Variants in PREP observed in about 807,000 individuals in gnomAD.
The protein encoded by PREP is dJ355L5.1 (prolyl endopeptidase).
In PREP, 29 loss-of-function variants were observed where a neutral mutation model predicts 87.6. The observed-to-expected ratio is 0.33, with a 90% CI of 0.25 to 0.45. The LOEUF is 0.45. Ranked by LOEUF, PREP falls within the 20% of genes least tolerant of loss-of-function variation. PREP has a pLI of 1.00. For missense variants in PREP, 695 were observed against 886.5 expected (o/e 0.78, Z 2.74); for synonymous variants, 337 against 328.6 (o/e 1.03, Z -0.28).
intron 5 of PREP, among the ~76,000 whole-genome samples, chr6:105,370,983 C>G (rs1353346204): frequency 6.6e-6 from 1 of 152,146 alleles, no homozygotes; most frequent in African/African-American, 2.4e-5. Context: ...TCAGAATGTA[C>G]AACACCAAAA....
At chr6:105,289,554 T>C (rs368147595) in intron 10 of PREP, among the ~76,000 whole-genome samples, 5 of 152,192 alleles carry the variant, frequency 3.3e-5, no homozygotes, top group African/African-American at 1.2e-4. Context: ...TAAAGCCTTC[T>C]TGAATCTGGG....
Position 105,397,185 on chromosome 6 carries a change from C to CCAA in PREP, c.120+667_120+668insTTG, listed in dbSNP as rs775026045. On this transcript the variant is annotated intron_variant, in intron 2 of 14. Transcript: ENST00000652536. ...GGGTGACAGAGTAAGACTCTGTCTA[C>CCAA]AAAAAAAAAAAAAAAAAGTATACAT... 2.6e-4 allele frequency among the ~76,000 whole-genome samples: 23 copies of CCAA among 86,844 alleles called. 3 individuals are homozygous for CCAA. Among genetic ancestry groups the CCAA allele is most frequent in the Non-Finnish European group, 3.6e-4 (14 of 39,390 alleles). The allele number at this position is 86,844 out of a possible 152,430, so 57.0% of individuals were successfully genotyped here.
intron 7 of PREP, among the ~76,000 whole-genome samples, chr6:105,336,039 C>T (rs1172804755): frequency 6.6e-6 from 1 of 152,244 alleles, no homozygotes; most frequent in Non-Finnish European, 1.5e-5. Context: ...AGGTGGATCA[C>T]TTGAGGCCAG....
In PREP at chr6:105,333,348, T is replaced by C; in HGVS notation, c.981A>G (p.Lys327=). ...DFRDPEESKW[K]VLVPEHEKDV... ...CTTTCTCATGCTCAGGAACAAGTAC[T>C]TTCCACTTAGACTCTTCAGGATCCC... is the stretch of plus-strand genomic sequence containing the variant. The change falls in exon 8 of 15, where the codon AAA becomes AAG. Residue 327 remains lysine (K), a synonymous_variant. Transcript: ENST00000652536. The C allele has an allele frequency of 6.2e-7, 1 of 1,614,204 alleles. No homozygotes were observed. Among genetic ancestry groups the C allele is most frequent in the Non-Finnish European group, 8.5e-7 (1 of 1,180,020 alleles).
intron 5 of PREP, among the ~76,000 whole-genome samples, chr6:105,372,437 C>T (rs1458947063): frequency 6.6e-6 from 1 of 152,194 alleles, no homozygotes; most frequent in Non-Finnish European, 1.5e-5. Flanking sequence ...GAAAATGCTA[C>T]ATACCACGTT....
intron 6 of PREP, among the ~76,000 whole-genome samples, chr6:105,365,994 C>T (rs1473314208): frequency 6.6e-6 from 1 of 152,048 alleles, no homozygotes; most frequent in East Asian, 1.9e-4. Flanking sequence ...GTGGCTCACG[C>T]CTATAATCCC....
intron 6 of PREP, 80 bp downstream of exon 6, chr6:105,368,823 G>A: frequency 7.2e-6 from 11 of 1,524,138 alleles, no homozygotes; most frequent in Non-Finnish European, 9.9e-6. Flanking sequence ...ATCCATAAAG[G>A]TCACCACATA....
intron 2 of PREP, among the ~76,000 whole-genome samples, chr6:105,379,743 G>T (rs1772787585): frequency 6.6e-6 from 1 of 152,182 alleles, no homozygotes; most frequent in Admixed American, 6.5e-5. Context: ...CACAAATCTT[G>T]TGTGTGTGTT....
chr6:105,299,870 C>CA (rs1255350802), intron 10 of PREP, among the ~76,000 whole-genome samples: 1 of 151,790 alleles, frequency 6.6e-6, no homozygotes, highest in Non-Finnish European at 1.5e-5. Flanking sequence ...ATCATTCTGC[C>CA]AGAGATGCTA....
Position 105,329,005 on chromosome 6 carries a change from G to T in PREP, c.1037C>A (p.Ser346Tyr), listed in dbSNP as rs772545264. The T allele has an allele frequency of 4.3e-6, 7 of 1,613,726 alleles. No individual in the cohort carries two copies. The highest frequency in any genetic ancestry group is 1.3e-5 in the African/African-American group (1 of 74,854). Reference sequence around the variant, plus strand: ...GAGGTAGCATAAGACCAAGAAGTTGGACCTGACACAAGCTATCCATTCTGA... The same window carrying T: ...GAGGTAGCATAAGACCAAGAAGTTGTACCTGACACAAGCTATCCATTCTGA... Reference protein sequence around the residue: ...DVLEWIACVRSNFLVLCYLHD... With the variant: ...DVLEWIACVRYNFLVLCYLHD... The change falls in exon 9 of 15, where the codon TCC becomes TAC. Residue 346 changes from serine to tyrosine, a missense_variant. By Grantham distance (144) the Ser-to-Tyr change is moderately radical. Around this residue, in one of 5 missense-constraint regions of PREP, gnomAD observed 517 missense variants for 620.3 expected, o/e 0.83. Coordinates refer to ENST00000652536, the MANE Select transcript of PREP (RefSeq NM_002726.5).
intron 10 of PREP, among the ~76,000 whole-genome samples, chr6:105,289,596 C>T (rs1770252999): frequency 6.6e-6 from 1 of 152,052 alleles, no homozygotes; most frequent in Non-Finnish European, 1.5e-5. Context: ...TAAACATCTC[C>T]TTATCCTTTT....
rs562473070 is a variant in PREP, at chr6:105,311,425, G to A, written c.1317+12240C>T. On this transcript the variant is annotated intron_variant, in intron 10 of 14. Coordinates refer to ENST00000652536, the MANE Select transcript of PREP (RefSeq NM_002726.5). ...TTGTTCTCAGGGCCTTTGCTTTAAC[G>A]TTCTGGGCCGCCTGTCCCCCATTTT... is the stretch of plus-strand genomic sequence containing the variant. 3.6e-4 allele frequency among the ~76,000 whole-genome samples: 54 copies of A among 152,072 alleles called. 1 individual carries two copies. The South Asian group carries it at 6.4e-3, about 18-fold the overall frequency.
chr6:105,281,715 TAAC>T, intron 14 of PREP, 28 bp downstream of exon 14: 1 of 1,602,754 alleles, frequency 6.2e-7, no homozygotes, highest in African/African-American at 1.3e-5. Flanking sequence ...ATCAAACCAC[TAAC>T]AACATATATA....
In PREP at chr6:105,373,581, A is replaced by G. The variant is rs1020699901; in HGVS notation, c.386-3T>C. 5.0e-6 allele frequency: 8 copies of G among 1,613,168 alleles called. No homozygotes were observed. Among genetic ancestry groups the G allele is most frequent in the Admixed American group, 3.3e-5 (2 of 59,942 alleles). ...ACCATCTTCGCTGAACGCATAACCT[A>G]TGGGACACAGGAGAAATCATCCAGT... On this transcript the variant is annotated splice_polypyrimidine_tract_variant and splice_region_variant and intron_variant, in intron 4 of 14. Transcript: ENST00000652536.
At chr6:105,377,230 AGATCAAAAATAT>A (rs1373906380) in intron 3 of PREP, among the ~76,000 whole-genome samples, 144 bp downstream of exon 3, 2 of 152,338 alleles carry the variant, frequency 1.3e-5, no homozygotes, top group East Asian at 3.9e-4. Flanking sequence ...AATACCTAAT[AGATCAAAAATAT>A]TACTCTCATA....
At chr6:105,390,451 G>A (rs966774656) in intron 2 of PREP, among the ~76,000 whole-genome samples, 4 of 152,216 alleles carry the variant, frequency 2.6e-5, no homozygotes, top group Non-Finnish European at 5.9e-5. Context: ...GGCACTCAGG[G>A]AGAATAAGAA....
intron 6 of PREP, among the ~76,000 whole-genome samples, chr6:105,365,544 A>C (rs1772363825): frequency 6.6e-6 from 1 of 152,208 alleles, no homozygotes; most frequent in Admixed American, 6.5e-5. Context: ...GCAGAACTCT[A>C]GAGTTCATGT....
intron 8 of PREP, 35 bp downstream of exon 8, chr6:105,333,279 C>T: frequency 6.3e-7 from 1 of 1,581,652 alleles, no homozygotes; most frequent in South Asian, 1.1e-5. Flanking sequence ...TCATCAAAAA[C>T]AAGAGCACAA....
intron 10 of PREP, among the ~76,000 whole-genome samples, chr6:105,306,699 C>T (rs987707581): frequency 1.3e-5 from 2 of 152,194 alleles, no homozygotes; most frequent in Non-Finnish European, 1.5e-5. Context: ...TCCCACCATA[C>T]ACACTGTTGG....
Sources: allele counts gnomAD v4.1 joint callset (sites outside exome capture counted in the v4.1 genomes callset), GRCh38; gene constraint gnomAD v4.1.1; regional missense constraint gnomAD v4.1.1; transcripts MANE v1.5; gene names NCBI Gene and HGNC (gene_info 2026-07-23, HGNC 2026-07-21).